The following ZNF225 variants were observed in gnomAD, a reference collection of about 807,000 sequenced individuals.
The protein encoded by ZNF225 is zinc finger protein 225.
A neutral mutation model predicts 12.0 loss-of-function variants in ZNF225; 6 were observed. The ratio of observed to expected loss-of-function variants is 0.50; its 90% confidence interval spans 0.27 to 0.98. ZNF225 has a LOEUF of 0.98. Among genes scored for constraint, ZNF225 ranks in the 50% least tolerant of loss-of-function variants. The probability of loss-of-function intolerance (pLI) is 0.11; values close to 1 mark genes in which losing one functional copy is unlikely to be tolerated. For missense variants in ZNF225, 763 were observed against 848.2 expected (o/e 0.90, Z 1.25); for synonymous variants, 271 against 283.2 (o/e 0.96, Z 0.43).
chr19:44,116,866 G>C (rs1469298855), intron 2 of ZNF225, among the ~76,000 whole-genome samples: 1 of 152,024 alleles, frequency 6.6e-6, no homozygotes, highest in African/African-American at 2.4e-5. Context: ...AAAAAATTGA[G>C]ACCTGATATT....
intron 4 of ZNF225, among the ~76,000 whole-genome samples, chr19:44,127,403 G>A (rs914085413): frequency 3.3e-4 from 51 of 152,314 alleles, no homozygotes; most frequent in African/African-American, 1.2e-3. Context: ...CCAGGGTCCT[G>A]CAGGAGCAGT....
rs202217134 is a variant in ZNF225 at position 44,132,487 on chromosome 19, A to G, written c.1873A>G (p.Lys625Glu). ...GGTTCACACTGGGGAAAAGCCATAC[A>G]AATGTGAGAAGTGTGGAAAGAGCTT... ...QRVHTGEKPY[K>E]CEKCGKSFRW... The change falls in exon 5 of 5, where the codon AAA becomes GAA. Residue 625 changes from lysine (K) to glutamate (E), a missense_variant. Transcript: ENST00000262894. 1.1e-5 allele frequency: 18 copies of G among 1,614,202 alleles called. No homozygotes were observed. In the East Asian group the frequency reaches 4.0e-4, roughly 36 times the overall value.
intron 2 of ZNF225, among the ~76,000 whole-genome samples, chr19:44,116,726 A>C (rs1182604464): frequency 6.6e-6 from 1 of 152,210 alleles, no homozygotes; most frequent in Non-Finnish European, 1.5e-5. Context: ...ATTATTTATA[A>C]TCAAATAAGT....
intron 4 of ZNF225, among the ~76,000 whole-genome samples, chr19:44,127,521 G>T (rs542072600): frequency 6.6e-6 from 1 of 152,178 alleles, no homozygotes; most frequent in Non-Finnish European, 1.5e-5. Context: ...CGCACTGTCC[G>T]TCTGAGTTGG....
At chr19:44,129,190 C>T in intron 4 of ZNF225, 5 of 934,620 alleles carry the variant, frequency 5.3e-6, no homozygotes, top group Non-Finnish European at 7.0e-6. Flanking sequence ...AAAATGTAGA[C>T]ATAAATACTC....
At chr19:44,129,569 A>G (rs1308961417) in intron 4 of ZNF225, 1 of 152,312 alleles carries the variant, frequency 6.6e-6, no homozygotes, top group Non-Finnish European at 1.5e-5. Flanking sequence ...TGTTAATTAC[A>G]TAGCCATTAT....
In ZNF225 at chr19:44,132,282, C is replaced by T. The variant is rs1289740677; in HGVS notation, c.1668C>T (p.Asp556=). The change falls in exon 5 of 5, where the codon GAC becomes GAT. Residue 556 remains aspartate (D), a synonymous_variant. Coordinates refer to ENST00000262894, the MANE Select transcript of ZNF225 (RefSeq NM_013362.4). The stretch of plus-strand genomic sequence containing the variant: ...GCTTCAACAGTAAGTTTAATCTTGA[C>T]ATGCACCAGAGGGTCCACACCGGAG... ...GKGFNSKFNL[D]MHQRVHTGER... 1 of 1,613,480 alleles carries T rather than the reference C, an allele frequency of 6.2e-7. No individual in the cohort carries two copies.
At chr19:44,114,868 AT>A (rs1041225507) in intron 1 of ZNF225, among the ~76,000 whole-genome samples, 1 of 152,188 alleles carries the variant, frequency 6.6e-6, no homozygotes, top group Admixed American at 6.5e-5. Flanking sequence ...TTGTCACTTC[AT>A]TGGTGATCTC....
Position 44,131,631 on chromosome 19 carries a change from A to C in ZNF225, c.1017A>C (p.Thr339=), listed in dbSNP as rs1245851804. The C allele has an allele frequency of 1.2e-6, 2 of 1,614,056 alleles. No homozygotes were observed. The highest frequency in any genetic ancestry group is 1.7e-6 in the Non-Finnish European group (2 of 1,180,032). The stretch of plus-strand genomic sequence containing the variant: ...TTAATAGTCATCGCATGGTCCACAC[A>C]GGAGAGAAACGGTACAAATGTGAGG... ...SALNSHRMVH[T]GEKRYKCEEC... Residue 339 remains threonine, a synonymous_variant, in exon 5 of 5, where the codon ACA becomes ACC. Transcript: ENST00000262894.
chr19:44,130,736 T>C, intron 4 of ZNF225, 114 bp from the exon 5 acceptor site: 3 of 499,660 alleles, frequency 6.0e-6, no homozygotes, highest in South Asian at 3.1e-5. Flanking sequence ...GAAAATACAA[T>C]CTGAACATTC....
chr19:44,119,807 A>C (rs1240091013), intron 4 of ZNF225, among the ~76,000 whole-genome samples: 1 of 152,122 alleles, frequency 6.6e-6, no homozygotes, highest in Non-Finnish European at 1.5e-5. Context: ...CAGAGCCCTT[A>C]CTTGCTTTTC....
rs573711727 is a variant in ZNF225, at chr19:44,123,035, T to C, written c.235+4461T>C. 9.2e-5 allele frequency among the ~76,000 whole-genome samples: 14 copies of C among 152,224 alleles called. No homozygotes were observed. The South Asian group carries it at 1.2e-3, about 14-fold the overall frequency. The stretch of plus-strand genomic sequence containing the variant: ...TCTGGCTAGGACTTCCAGTACTATG[T>C]TGAGGAGTGGTGAGAGCAGATGTTC... On this transcript the variant is annotated intron_variant, in intron 4 of 4. Coordinates refer to ENST00000262894, the MANE Select transcript of ZNF225 (RefSeq NM_013362.4).
At chr19:44,114,799 C>T (rs899442355) in intron 1 of ZNF225, among the ~76,000 whole-genome samples, 11 of 152,216 alleles carry the variant, frequency 7.2e-5, no homozygotes, top group Non-Finnish European at 1.2e-4. Flanking sequence ...CATGAGCCAC[C>T]GTGCCCAGCC....
chr19:44,132,963 A>G lies in ZNF225; in HGVS notation c.*228A>G. The G allele has an allele frequency of 2.7e-6, 1 of 368,908 alleles. No individual in the cohort carries two copies. The highest frequency in any genetic ancestry group is 4.8e-6 in the Non-Finnish European group (1 of 208,086). The allele number at this position is 368,908 out of a possible 1,614,324, so 22.9% of individuals were successfully genotyped here. The stretch of plus-strand genomic sequence containing the variant: ...GAACTTATTCCTCCTACCTGCCTGT[A>G]TTTCTGTATTCATTAACCAACCTTT... On this transcript the variant is annotated 3_prime_UTR_variant, in exon 5 of 5. Transcript: ENST00000262894.
chr19:44,114,525 T>C (rs1047294287), intron 1 of ZNF225, among the ~76,000 whole-genome samples: 8 of 152,226 alleles, frequency 5.3e-5, no homozygotes, highest in African/African-American at 1.7e-4. Flanking sequence ...TCTTTTTTTT[T>C]CTTGAGACGG....
upstream of ZNF225, chr19:44,113,237 CAG>C (rs1291928165): frequency 2.0e-5 from 3 of 152,196 alleles, no homozygotes; most frequent in African/African-American, 4.8e-5. Context: ...GCAGGCGAAT[CAG>C]GGGATTTCTG....
intron 4 of ZNF225, 61 bp downstream of exon 4, chr19:44,118,635 C>A: frequency 4.7e-6 from 7 of 1,503,820 alleles, no homozygotes; most frequent in Non-Finnish European, 5.5e-6. Context: ...CACTTCTGTC[C>A]ATTGCCCAGC....
chr19:44,132,118 C>T lies in ZNF225; in HGVS notation c.1504C>T (p.His502Tyr), dbSNP rs762807026. The part of the protein sequence containing the change: ...RFTQNSQLYT[H>Y]RRVHSGEKPF... ...TACTCAGAATTCACAACTTTATACCCATCGTAGAGTCCACAGTGGAGAAAA... is the reference window on the plus strand; with the variant it reads ...TACTCAGAATTCACAACTTTATACCTATCGTAGAGTCCACAGTGGAGAAAA... The change falls in exon 5 of 5, where the codon CAT becomes TAT. Residue 502 changes from histidine (H) to tyrosine (Y), a missense_variant. Coordinates refer to ENST00000262894, the MANE Select transcript of ZNF225 (RefSeq NM_013362.4). 66 of 1,613,968 alleles carry T rather than the reference C, an allele frequency of 4.1e-5. No homozygotes were observed. Among genetic ancestry groups the T allele is most frequent in the Non-Finnish European group, 5.3e-5 (63 of 1,179,992 alleles).
chr19:44,133,656 A>G lies in ZNF225; in HGVS notation c.*921A>G, dbSNP rs1279421302. 1 of 152,134 alleles carries G rather than the reference A, an allele frequency of 6.6e-6. No homozygotes were observed. The highest frequency in any genetic ancestry group is 1.5e-5 in the Non-Finnish European group (1 of 68,020). 9.4% of individuals were successfully genotyped at this position (152,134 alleles called of 1,614,324 possible). On this transcript the variant is annotated 3_prime_UTR_variant, in exon 5 of 5. Coordinates refer to ENST00000262894, the MANE Select transcript of ZNF225 (RefSeq NM_013362.4). ...ATAGCATGACAGCAGTGCGGCCTCT[A>G]ACAGTCTGGAACCAGTTAGGACAAA...
Sources: gnomAD v4.1 joint callset for allele counts (sites outside exome capture counted in the v4.1 genomes callset) on GRCh38, gnomAD v4.1.1 for gene constraint, MANE v1.5 for transcripts, NCBI Gene and HGNC (gene_info 2026-07-23, HGNC 2026-07-21) for gene names.